Variants in AGPS observed in about 807,000 individuals in gnomAD.
The protein encoded by AGPS is alkyldihydroxyacetonephosphate synthase, peroxisomal.
Under a neutral mutation model 90.7 loss-of-function variants are expected in AGPS, and 26 were observed. The observed-to-expected ratio is 0.29, with a 90% CI of 0.21 to 0.40. The LOEUF is 0.40. Ranked by LOEUF, AGPS falls within the 10% of genes least tolerant of loss-of-function variation. AGPS has a pLI of 1.00. For missense variants in AGPS, 540 were observed against 816.1 expected (o/e 0.66, Z 4.12); for synonymous variants, 294 against 285.3 (o/e 1.03, Z -0.31).
intron 2 of AGPS, among the ~76,000 whole-genome samples, chr2:177,428,567 C>T (rs10165785): frequency 0.64 from 97,735 of 152,000 alleles, 33,486 homozygotes; most frequent in Admixed American, 0.75. Flanking sequence ...TCTTCTTCTT[C>T]GCTTATGAAG....
At chr2:177,485,523 T>C (rs935295398) in intron 11 of AGPS, among the ~76,000 whole-genome samples, 5 of 152,190 alleles carry the variant, frequency 3.3e-5, no homozygotes, top group Admixed American at 1.3e-4. Context: ...GTATGGAATT[T>C]TCCTTCATCC....
At chr2:177,489,392 A>G (rs960191518) in intron 11 of AGPS, among the ~76,000 whole-genome samples, 2 of 151,858 alleles carry the variant, frequency 1.3e-5, no homozygotes, top group African/African-American at 4.9e-5. Flanking sequence ...CCAAGGAAAT[A>G]TTTTTAAATA....
intron 15 of AGPS, among the ~76,000 whole-genome samples, chr2:177,507,418 G>A (rs985715442): frequency 1.3e-5 from 2 of 151,966 alleles, no homozygotes; most frequent in African/African-American, 4.8e-5. Context: ...TATTTTCGTA[G>A]TAGAAGTGCC....
intron 10 of AGPS, 30 bp downstream of exon 10, chr2:177,468,554 A>G (rs779411392): frequency 4.1e-5 from 61 of 1,473,480 alleles, no homozygotes; most frequent in Non-Finnish European, 5.6e-5. Flanking sequence ...TATTAAGAAA[A>G]AATACAGGTT....
At chr2:177,393,474 G>A (rs1270937824) in intron 1 of AGPS, 2 of 985,396 alleles carry the variant, frequency 2.0e-6, no homozygotes, top group African/African-American at 3.5e-5. Context: ...TCTCATTCGC[G>A]AAAGCCTGCT....
chr2:177,466,965 A>G (rs771054184), intron 9 of AGPS, among the ~76,000 whole-genome samples: 4 of 152,166 alleles, frequency 2.6e-5, no homozygotes, highest in Non-Finnish European at 2.9e-5. Context: ...GGGCTGCCAC[A>G]GCTGCACTCA....
intron 9 of AGPS, among the ~76,000 whole-genome samples, chr2:177,462,392 C>CAAAAAAAA (rs67734682): frequency 9.2e-5 from 10 of 108,110 alleles, no homozygotes; most frequent in African/African-American, 1.5e-4. Flanking sequence ...GATTCTGTCT[C>CAAAAAAAA]AAAAAAAAAA....
intron 19 of AGPS, among the ~76,000 whole-genome samples, chr2:177,524,863 C>T (rs2079067655): frequency 6.6e-6 from 1 of 152,132 alleles, no homozygotes; most frequent in Non-Finnish European, 1.5e-5. Flanking sequence ...AAGGAGTGGA[C>T]TATGGAAGGT....
At chr2:177,394,061 C>CA (rs149517661) in intron 1 of AGPS, among the ~76,000 whole-genome samples, 2,400 of 152,278 alleles carry the variant, frequency 0.016, 60 homozygotes, top group African/African-American at 0.053. Context: ...TGCTGTGTGA[C>CA]AGGTTAGAAT....
intron 17 of AGPS, among the ~76,000 whole-genome samples, chr2:177,520,438 C>T (rs1689147407): frequency 1.3e-5 from 2 of 152,220 alleles, no homozygotes; most frequent in African/African-American, 4.8e-5. Flanking sequence ...CTATCCTCAG[C>T]AGTGACGGAG....
chr2:177,501,570 G>A (rs989714689), intron 14 of AGPS, among the ~76,000 whole-genome samples: 1 of 152,082 alleles, frequency 6.6e-6, no homozygotes, highest in Non-Finnish European at 1.5e-5. Flanking sequence ...ATTCTACTTT[G>A]TTTATGCCTA....
chr2:177,463,709 A>G lies in AGPS; in HGVS notation c.996+1691A>G, dbSNP rs142235875. The stretch of plus-strand genomic sequence containing the variant: ...AGCACATTTTTCTTTTTGCAATTAA[A>G]ATAACCTAAATTCAGTTTTGGGGAG... On this transcript the variant is annotated intron_variant, in intron 9 of 19. Transcript: ENST00000264167. Among the ~76,000 whole-genome samples the G allele has an allele frequency of 8.0e-3, 1,222 of 152,316 alleles. 15 individuals carry two copies. Among genetic ancestry groups the G allele is most frequent in the African/African-American group, 0.027 (1,139 of 41,560 alleles).
intron 9 of AGPS, among the ~76,000 whole-genome samples, chr2:177,465,328 C>T (rs1377838116): frequency 2.7e-5 from 2 of 74,222 alleles, no homozygotes; most frequent in Non-Finnish European, 6.5e-5. Flanking sequence ...AAATACATAT[C>T]ATTTTGAACA....
intron 11 of AGPS, among the ~76,000 whole-genome samples, chr2:177,492,676 C>T (rs1355420454): frequency 6.6e-6 from 1 of 152,092 alleles, no homozygotes; most frequent in Non-Finnish European, 1.5e-5. Context: ...GTGTGGTTTG[C>T]CTGAAATAGT....
At chr2:177,413,539 C>A (rs1367847774) in intron 1 of AGPS, among the ~76,000 whole-genome samples, 1 of 152,058 alleles carries the variant, frequency 6.6e-6, no homozygotes, top group Non-Finnish European at 1.5e-5. Flanking sequence ...GGGTTGGTTG[C>A]CAAAATTGCC....
At chr2:177,405,885 C>T (rs1481352919) in intron 1 of AGPS, among the ~76,000 whole-genome samples, 1 of 152,114 alleles carries the variant, frequency 6.6e-6, no homozygotes, top group Non-Finnish European at 1.5e-5. Flanking sequence ...CTCATTTTTA[C>T]ATTTTTAATT....
chr2:177,424,347 T>A (rs982080434), intron 2 of AGPS, among the ~76,000 whole-genome samples: 1 of 152,226 alleles, frequency 6.6e-6, no homozygotes, highest in Non-Finnish European at 1.5e-5. Context: ...CATATTTTCT[T>A]TATCCAGTCA....
At chr2:177,525,939 T>C (rs2079082896) in intron 19 of AGPS, among the ~76,000 whole-genome samples, 2 of 152,214 alleles carry the variant, frequency 1.3e-5, no homozygotes, top group African/African-American at 2.4e-5. Flanking sequence ...AGCTTCTTGG[T>C]AGGCTCTAAC....
At chr2:177,536,020 G>A (rs1559088417) in intron 19 of AGPS, among the ~76,000 whole-genome samples, 1 of 152,160 alleles carries the variant, frequency 6.6e-6, no homozygotes, top group East Asian at 1.9e-4. Flanking sequence ...TCTGACAGAA[G>A]TAATGATGCA....
Sources: gnomAD v4.1 joint callset for allele counts (sites outside exome capture counted in the v4.1 genomes callset) on GRCh38, gnomAD v4.1.1 for gene constraint, MANE v1.5 for transcripts, NCBI Gene and HGNC (gene_info 2026-07-23, HGNC 2026-07-21) for gene names.